Variants in KIF6 observed in about 807,000 individuals in gnomAD.
The protein encoded by KIF6 is kinesin family member 6, also known as kinesin-like protein KIF6.
Under a neutral mutation model 112.7 loss-of-function variants are expected in KIF6, and 106 were observed. The observed-to-expected ratio is 0.94, with a 90% CI of 0.80 to 1.11. The LOEUF is 1.11. KIF6 is among the 50% of genes least tolerant of loss of function. KIF6 has a pLI of 0.00. For synonymous variants in KIF6, 339 were observed against 339.9 expected (o/e 1.00, Z 0.03); for missense variants, 929 against 964.0 (o/e 0.96, Z 0.48).
intron 14 of KIF6, among the ~76,000 whole-genome samples, chr6:39,429,684 C>A (rs1030184070): frequency 6.6e-6 from 1 of 152,106 alleles, no homozygotes; most frequent in East Asian, 1.9e-4. Flanking sequence ...CCAAGGTGGG[C>A]GGAACACGAG....
chr6:39,482,643 G>A (rs11964386), intron 13 of KIF6, among the ~76,000 whole-genome samples: 231 of 152,262 alleles, frequency 1.5e-3, no homozygotes, highest in Middle Eastern at 0.01. Flanking sequence ...TATTGGGCTC[G>A]TGATGTTACT....
chr6:39,502,249 TGAAGGAGAAATAA>T (rs1173446655), intron 13 of KIF6, among the ~76,000 whole-genome samples: 2 of 151,958 alleles, frequency 1.3e-5, no homozygotes, highest in East Asian at 3.9e-4. Context: ...GCTTCATAAG[TGAAGGAGAAATAA>T]GATCCTTTTT....
rs1326236666 is a variant in KIF6, at chr6:39,346,086, C to CTCTCTCTCTCTCTCTCTCT, written c.2232-298_2232-297insAGAGAGAGAGAGAGAGAGA. Among the ~76,000 whole-genome samples the CTCTCTCTCTCTCTCTCTCT allele has an allele frequency of 3.3e-3, 89 of 27,000 alleles. 20 individuals carry two copies. Among genetic ancestry groups the CTCTCTCTCTCTCTCTCTCT allele is most frequent in the African/African-American group, 9.1e-3 (53 of 5,798 alleles). 17.7% of individuals were successfully genotyped at this position (27,000 alleles called of 152,430 possible). ...TCTCTCTCTCTCTCTCTCTCTCTCTCCCCCCCCTCTCCCTCCCCCCCTCCC... is the reference window on the plus strand; with the variant it reads ...TCTCTCTCTCTCTCTCTCTCTCTCTCTCTCTCTCTCTCTCTCTCTCCCCCCCTCTCCCTCCCCCCCTCCC... On this transcript the variant is annotated intron_variant, in intron 20 of 22. Coordinates refer to ENST00000287152, the MANE Select transcript of KIF6 (RefSeq NM_145027.6).
chr6:39,334,645 A>C lies in KIF6; in HGVS notation c.*1887T>G, dbSNP rs1455325753. ...AAATAAAAGAAAGTAAAAATAAAAG[A>C]AAATAAAAGTTAGTAGACTCTACCC... On this transcript the variant is annotated 3_prime_UTR_variant, in exon 23 of 23. Transcript: ENST00000287152. The C allele has an allele frequency of 2.0e-5, 3 of 152,220 alleles. No homozygotes were observed. The highest frequency in any genetic ancestry group is 4.4e-5 in the Non-Finnish European group (3 of 68,100). The allele number at this position is 152,220 out of a possible 1,614,324, so 9.4% of individuals were successfully genotyped here.
In KIF6 at chr6:39,613,189, C is replaced by T. The variant is rs1202396327; in HGVS notation, c.639G>A (p.Glu213=). The change falls in exon 6 of 23, where the codon GAG becomes GAA. Residue 213 remains glutamate, a splice_region_variant and synonymous_variant. Coordinates refer to ENST00000287152, the MANE Select transcript of KIF6 (RefSeq NM_145027.6). ...FLGDTNRMIA[E]TPMNQASTRS... is the part of the protein sequence containing the mutation. ...CAGCTTGCAGAGAGAAGTTTATTAC[C>T]TCTGCAATCATTCGGTTGGTGTCTC... 18 of 1,588,554 alleles carry T rather than the reference C, an allele frequency of 1.1e-5. No homozygotes were observed. Among genetic ancestry groups the T allele is most frequent in the Middle Eastern group, 1.7e-4 (1 of 5,944 alleles).
intron 3 of KIF6, among the ~76,000 whole-genome samples, chr6:39,649,708 G>A (rs1189232698): frequency 6.8e-6 from 1 of 146,180 alleles, no homozygotes; most frequent in Non-Finnish European, 1.5e-5. Flanking sequence ...AATGGTAAGA[G>A]TAACACTCTG....
At chr6:39,514,781 C>CG (rs1562278825) in intron 13 of KIF6, among the ~76,000 whole-genome samples, 1 of 151,940 alleles carries the variant, frequency 6.6e-6, no homozygotes. Context: ...TTTTCCCCCC[C>CG]GGGGATGATT....
intron 10 of KIF6, among the ~76,000 whole-genome samples, chr6:39,571,236 G>T (rs1052793733): frequency 6.6e-6 from 1 of 151,996 alleles, no homozygotes; most frequent in Admixed American, 6.6e-5. Context: ...TCATTAACAA[G>T]ATCTCTCAGA....
At chr6:39,548,411 A>G (rs1779179282) in intron 10 of KIF6, among the ~76,000 whole-genome samples, 1 of 152,232 alleles carries the variant, frequency 6.6e-6, no homozygotes, top group Non-Finnish European at 1.5e-5. Flanking sequence ...CTGCCTGAGT[A>G]AAAGAACTGA....
intron 13 of KIF6, among the ~76,000 whole-genome samples, chr6:39,515,762 T>G (rs1469447941): frequency 6.6e-6 from 1 of 152,156 alleles, no homozygotes; most frequent in African/African-American, 2.4e-5. Context: ...GGAGAAATAC[T>G]CAGCAGAACA....
intron 16 of KIF6, among the ~76,000 whole-genome samples, chr6:39,384,394 G>C (rs1360698004): frequency 6.6e-5 from 10 of 152,264 alleles, no homozygotes; most frequent in Admixed American, 5.9e-4. Flanking sequence ...GGGCAGCCTG[G>C]CTCTTTGTTG....
chr6:39,373,271 C>T (rs1313164006), intron 16 of KIF6, among the ~76,000 whole-genome samples: 1 of 152,114 alleles, frequency 6.6e-6, no homozygotes, highest in Non-Finnish European at 1.5e-5. Context: ...ATAGACAGCC[C>T]CTTCTTGGAT....
chr6:39,658,826 G>T (rs1411219355), intron 3 of KIF6, among the ~76,000 whole-genome samples: 1 of 152,194 alleles, frequency 6.6e-6, no homozygotes, highest in Admixed American at 6.5e-5. Context: ...AACATGGTGT[G>T]TGGCTCCTAC....
intron 13 of KIF6, among the ~76,000 whole-genome samples, chr6:39,434,982 T>C (rs1336160489): frequency 6.6e-6 from 1 of 152,236 alleles, no homozygotes; most frequent in Non-Finnish European, 1.5e-5. Context: ...TATATATTAT[T>C]TCAGTTAAAT....
At chr6:39,377,439 T>C (rs1017112166) in intron 16 of KIF6, among the ~76,000 whole-genome samples, 1 of 148,128 alleles carries the variant, frequency 6.8e-6, no homozygotes, top group Non-Finnish European at 1.5e-5. Context: ...TTTCACACAC[T>C]GGATCATGCT....
At chr6:39,424,563 G>A (rs4714252) in intron 14 of KIF6, among the ~76,000 whole-genome samples, 147,064 of 152,344 alleles carry the variant, frequency 0.97, 71,007 homozygotes, top group East Asian at 1. Flanking sequence ...GCACAAGTGA[G>A]GAGCGCTAGA....
At chr6:39,686,661 C>T (rs1561929605) in intron 3 of KIF6, among the ~76,000 whole-genome samples, 1 of 152,136 alleles carries the variant, frequency 6.6e-6, no homozygotes, top group East Asian at 1.9e-4. Flanking sequence ...AACCTAACCC[C>T]CCACATTAGA....
At chr6:39,562,200 T>G (rs193153184) in intron 10 of KIF6, among the ~76,000 whole-genome samples, 1 of 152,326 alleles carries the variant, frequency 6.6e-6, no homozygotes, top group African/African-American at 2.4e-5. Context: ...CTACATAAAC[T>G]GTCTGATATT....
At chr6:39,722,632 AAG>A (rs1790283880) in intron 1 of KIF6, among the ~76,000 whole-genome samples, 1 of 152,232 alleles carries the variant, frequency 6.6e-6, no homozygotes. Context: ...AATGAAGAGA[AAG>A]AAAAAAATTC....
Sources: gnomAD v4.1 joint callset for allele counts (sites outside exome capture counted in the v4.1 genomes callset) on GRCh38, gnomAD v4.1.1 for gene constraint, MANE v1.5 for transcripts, NCBI Gene and HGNC (gene_info 2026-07-23, HGNC 2026-07-21) for gene names.